Variants in SLC25A21 observed in about 807,000 individuals in gnomAD.
SLC25A21 encodes the protein mitochondrial 2-oxodicarboxylate carrier.
A neutral mutation model predicts 43.8 loss-of-function variants in SLC25A21; 47 were observed. The observed-to-expected ratio is 1.07, with a 90% CI of 0.85 to 1.37. The LOEUF is 1.37. Among genes scored for constraint, SLC25A21 ranks in the 40% most tolerant of loss-of-function variants. The pLI is 0.00. For missense variants in SLC25A21, 352 were observed against 350.2 expected, an observed-to-expected ratio of 1.00 and a Z score of -0.04; for synonymous variants, 131 against 121.3, an observed-to-expected ratio of 1.08 and a Z score of -0.52.
intron 2 of SLC25A21, among the ~76,000 whole-genome samples, chr14:36,868,580 T>C (rs1890278486): frequency 1.3e-5 from 2 of 152,184 alleles, no homozygotes; most frequent in South Asian, 2.1e-4. Context: ...TCAATGATAA[T>C]TTCTAACCAT....
At chr14:36,919,120 A>G (rs1891909007) in intron 1 of SLC25A21, among the ~76,000 whole-genome samples, 1 of 152,018 alleles carries the variant, frequency 6.6e-6, no homozygotes, top group South Asian at 2.1e-4. Flanking sequence ...TGAATGGTGT[A>G]TACTTATAAC....
chr14:36,825,680 T>A (rs1377136422), intron 2 of SLC25A21, among the ~76,000 whole-genome samples: 1 of 152,180 alleles, frequency 6.6e-6, no homozygotes, highest in Non-Finnish European at 1.5e-5. Flanking sequence ...CTAATTACCT[T>A]TAGAAAATAA....
In SLC25A21 at chr14:36,886,465, C is replaced by T. The variant is rs184627162; in HGVS notation, c.71-11461G>A. Among the ~76,000 whole-genome samples, 122 of 152,316 alleles carry T rather than the reference C, an allele frequency of 8.0e-4. 1 individual carries two copies. The highest frequency in any genetic ancestry group is 2.9e-3 in the African/African-American group (121 of 41,574). On this transcript the variant is annotated intron_variant, in intron 1 of 9. Coordinates refer to ENST00000331299, the MANE Select transcript of SLC25A21 (RefSeq NM_030631.4). ...AAACGTAACTAACACTAAGCAATGG[C>T]TGTTAGCATGTGTCTATAGGGAATG...
intron 2 of SLC25A21, among the ~76,000 whole-genome samples, chr14:36,868,679 CA>C (rs1890281942): frequency 6.6e-6 from 1 of 152,096 alleles, no homozygotes; most frequent in Admixed American, 6.5e-5. Context: ...ATGCTTTCTC[CA>C]AACCCTTCAA....
intron 3 of SLC25A21, among the ~76,000 whole-genome samples, chr14:36,787,297 A>C (rs543109569): frequency 2.0e-5 from 3 of 152,300 alleles, no homozygotes; most frequent in Admixed American, 6.5e-5. Context: ...GAAGTGGGGA[A>C]GCAGTAATTT....
chr14:37,170,408 C>G (rs930295240), intron 1 of SLC25A21, among the ~76,000 whole-genome samples: 1 of 152,094 alleles, frequency 6.6e-6, no homozygotes, highest in African/African-American at 2.4e-5. Context: ...AATTAGCATA[C>G]AGGTGCTTAT....
At chr14:36,766,041 T>G (rs989779762) in intron 3 of SLC25A21, among the ~76,000 whole-genome samples, 9 of 151,808 alleles carry the variant, frequency 5.9e-5, no homozygotes, top group Admixed American at 1.3e-4. Context: ...CTTTTTTTTT[T>G]GAGTGAAATA....
intron 1 of SLC25A21, among the ~76,000 whole-genome samples, chr14:36,998,229 G>A (rs374301423): frequency 6.6e-6 from 1 of 152,192 alleles, no homozygotes; most frequent in Non-Finnish European, 1.5e-5. Context: ...TCATTTCACA[G>A]TGAGGGATAT....
At chr14:37,045,857 T>C (rs1434652137) in intron 1 of SLC25A21, among the ~76,000 whole-genome samples, 1 of 152,218 alleles carries the variant, frequency 6.6e-6, no homozygotes, top group Admixed American at 6.5e-5. Context: ...GGAGCAATTA[T>C]GGAGACTATG....
chr14:37,025,160 G>T (rs190651758), intron 1 of SLC25A21, among the ~76,000 whole-genome samples: 26 of 152,264 alleles, frequency 1.7e-4, no homozygotes, highest in Admixed American at 9.8e-4. Flanking sequence ...AGGAAAGAAT[G>T]TGGAAATTAG....
intron 1 of SLC25A21, among the ~76,000 whole-genome samples, chr14:36,923,868 T>C (rs897464444): frequency 2.6e-5 from 4 of 152,272 alleles, no homozygotes; most frequent in Non-Finnish European, 4.4e-5. Flanking sequence ...GGGCCAAGGA[T>C]ATGAACAGAC....
At chr14:37,056,451 A>G (rs1961830477) in intron 1 of SLC25A21, among the ~76,000 whole-genome samples, 1 of 150,814 alleles carries the variant, frequency 6.6e-6, no homozygotes, top group Admixed American at 6.6e-5. Context: ...AGATCGCGCC[A>G]CTGCACTCCA....
intron 1 of SLC25A21, among the ~76,000 whole-genome samples, chr14:37,046,979 A>G (rs1961600353): frequency 6.6e-6 from 1 of 152,192 alleles, no homozygotes; most frequent in Non-Finnish European, 1.5e-5. Flanking sequence ...TCCTTTTCAT[A>G]GTTTGTTTTA....
intron 2 of SLC25A21, among the ~76,000 whole-genome samples, chr14:36,827,390 G>A (rs1346048591): frequency 6.6e-6 from 1 of 152,092 alleles, no homozygotes; most frequent in African/African-American, 2.4e-5. Context: ...ATGCTTTTGG[G>A]CCTACTAAGC....
chr14:36,918,649 T>A (rs1891895160), intron 1 of SLC25A21, among the ~76,000 whole-genome samples: 1 of 152,114 alleles, frequency 6.6e-6, no homozygotes, highest in African/African-American at 2.4e-5. Flanking sequence ...AGAGCCATTT[T>A]AAGAAATCAC....
chr14:36,772,413 T>C (rs1170302413), intron 3 of SLC25A21, among the ~76,000 whole-genome samples: 5 of 152,238 alleles, frequency 3.3e-5, no homozygotes, highest in Admixed American at 2.0e-4. Flanking sequence ...TTTTGAAACA[T>C]ATGCATTTCC....
intron 1 of SLC25A21, among the ~76,000 whole-genome samples, chr14:37,160,083 C>A (rs1181116818): frequency 6.6e-6 from 1 of 151,996 alleles, no homozygotes; most frequent in Non-Finnish European, 1.5e-5. Flanking sequence ...GTTGAGGGTG[C>A]AGAGCAAAAA....
intron 3 of SLC25A21, among the ~76,000 whole-genome samples, chr14:36,765,835 T>C (rs1370955781): frequency 6.6e-6 from 1 of 152,166 alleles, no homozygotes; most frequent in Non-Finnish European, 1.5e-5. Context: ...TGGCAATACA[T>C]GCAGGTCTAA....
At chr14:36,813,366 A>ATTTTTTT (rs5807910) in intron 3 of SLC25A21, among the ~76,000 whole-genome samples, 1 of 149,402 alleles carries the variant, frequency 6.7e-6, no homozygotes, top group Non-Finnish European at 1.5e-5. Context: ...GGACGCATCA[A>ATTTTTTT]TTTTTTTTTT....
Sources: gnomAD v4.1 joint callset for allele counts (sites outside exome capture counted in the v4.1 genomes callset) on GRCh38, gnomAD v4.1.1 for gene constraint, MANE v1.5 for transcripts, NCBI Gene and HGNC (gene_info 2026-07-23, HGNC 2026-07-21) for gene names.